CENPO: variants seen among roughly 807,000 people sequenced by gnomAD.
CENPO encodes centromere protein O, also known as centromeric protein O.
Under a neutral mutation model 36.1 loss-of-function variants are expected in CENPO, and 30 were observed. The observed-to-expected ratio is 0.83, with a 90% CI of 0.62 to 1.13. CENPO has a LOEUF of 1.13. Among genes scored for constraint, CENPO ranks in the 50% most tolerant of loss-of-function variants. The pLI is 0.00. For synonymous variants in CENPO, 171 were observed against 142.3 expected, an observed-to-expected ratio of 1.20 and a Z score of -1.44; for missense variants, 349 against 357.8, an observed-to-expected ratio of 0.98 and a Z score of 0.20.
chr2:24,814,626 A>T, intron 4 of CENPO, 133 bp downstream of exon 4: 1 of 621,840 alleles, frequency 1.6e-6, no homozygotes, highest in Non-Finnish European at 2.9e-6. Context: ...TCACTCACAC[A>T]CACACACACA....
chr2:24,795,532 G>T (rs943666453), intron 2 of CENPO, among the ~76,000 whole-genome samples: 1 of 152,120 alleles, frequency 6.6e-6, no homozygotes, highest in African/African-American at 2.4e-5. Context: ...GAATCAGGTC[G>T]GTAAAGAAGC....
intron 3 of CENPO, among the ~76,000 whole-genome samples, chr2:24,809,513 T>C (rs1666579307): frequency 1.3e-5 from 2 of 152,006 alleles, no homozygotes; most frequent in African/African-American, 4.8e-5. Context: ...CACAAGTTTT[T>C]CTTTTTCTTT....
chr2:24,821,615 C>T lies in CENPO; in HGVS notation c.*2297C>T. 1 of 1,614,154 alleles carries T rather than the reference C, an allele frequency of 6.2e-7. No homozygotes were observed. Among genetic ancestry groups the T allele is most frequent in the Non-Finnish European group, 8.5e-7 (1 of 1,180,018 alleles). On this transcript the variant is annotated 3_prime_UTR_variant, in exon 8 of 8. Transcript: ENST00000380834. ...GTCGGCCAGGTCAGCCAGGTGCTGC[C>T]AGCGCTCTCTCTCGGACTTGTCTTC...
chr2:24,804,481 C>T (rs2082880), intron 3 of CENPO, among the ~76,000 whole-genome samples: 126,493 of 152,068 alleles, frequency 0.83, 53,733 homozygotes, highest in East Asian at 0.99. Context: ...TTCCTTTCCA[C>T]GTTTAGTGCT....
At chr2:24,814,695 A>G (rs1018470092) in intron 4 of CENPO, 6 of 556,470 alleles carry the variant, frequency 1.1e-5, no homozygotes, top group Non-Finnish European at 3.2e-6. Context: ...TACAAGATTG[A>G]CTGGCCCCTT....
chr2:24,812,690 A>G (rs1354343390), intron 3 of CENPO, among the ~76,000 whole-genome samples: 1 of 152,076 alleles, frequency 6.6e-6, no homozygotes, highest in African/African-American at 2.4e-5. Context: ...TTAAAATTCT[A>G]ATTTGAGTTA....
chr2:24,820,712 C>T lies in CENPO; in HGVS notation c.*1394C>T, dbSNP rs1344083800. On this transcript the variant is annotated 3_prime_UTR_variant, in exon 8 of 8. Transcript: ENST00000380834. ...GAGTCTGAGCACGTGCCAGCTGTGC[C>T]ACTGGACATACCTGAATGTTGCCCA... 6.2e-7 allele frequency: 1 copy of T among 1,613,910 alleles called. No individual in the cohort carries two copies. The highest frequency in any genetic ancestry group is 8.5e-7 in the Non-Finnish European group (1 of 1,179,870).
rs1243183973 is a variant in CENPO at position 24,819,950 on chromosome 2, C to T, written c.*632C>T. 1.9e-6 allele frequency: 3 copies of T among 1,613,878 alleles called. No homozygotes were observed. Among genetic ancestry groups the T allele is most frequent in the East Asian group, 2.2e-5 (1 of 44,848 alleles). On this transcript the variant is annotated 3_prime_UTR_variant, in exon 8 of 8. Coordinates refer to ENST00000380834, the MANE Select transcript of CENPO (RefSeq NM_001322101.2). ...AGGCCATTCAGGAGTTGTCCACCAC[C>T]TGGTGGGGCAGTGTGACAGAGGGGC...
chr2:24,806,128 C>T (rs993074839), intron 3 of CENPO, among the ~76,000 whole-genome samples: 10 of 152,204 alleles, frequency 6.6e-5, no homozygotes, highest in South Asian at 2.1e-4. Context: ...GAGCCAGGCG[C>T]GGGATATAAT....
At position 24,821,096 on chromosome 2, in the gene CENPO, AAC is replaced by A. The variant is rs1216358135; in HGVS notation, c.*1782_*1783del. The stretch of plus-strand genomic sequence containing the variant: ...CTCGGCATGGTAGTGGCCAGCTTCT[AAC>A]ACAGCTGGTATTTCAAGTCTCCTGG... On this transcript the variant is annotated 3_prime_UTR_variant, in exon 8 of 8. Transcript: ENST00000380834. The A allele has an allele frequency of 7.8e-6, 4 of 515,416 alleles. No individual in the cohort carries two copies. The highest frequency in any genetic ancestry group is 3.6e-5 in the East Asian group (1 of 28,142). 31.9% of individuals were successfully genotyped at this position (515,416 alleles called of 1,614,324 possible).
Position 24,816,632 on chromosome 2 carries a change from C to T in CENPO, c.595-14C>T, listed in dbSNP as rs1267570284. 6.3e-7 allele frequency: 1 copy of T among 1,580,334 alleles called. No homozygotes were observed. The highest frequency in any genetic ancestry group is 8.6e-7 in the Non-Finnish European group (1 of 1,164,736). On this transcript the variant is annotated splice_polypyrimidine_tract_variant and intron_variant, in intron 5 of 7. Coordinates refer to ENST00000380834, the MANE Select transcript of CENPO (RefSeq NM_001322101.2). ...AGTCATCCTCTACTTCGTTTTGTTC[C>T]TCACCCCTCTTAGAGTGACTTTGCA...
Position 24,799,983 on chromosome 2 carries a change from A to C in CENPO, c.216+139A>C, listed in dbSNP as rs907976665. 1.4e-5 allele frequency: 14 copies of C among 994,196 alleles called. No individual in the cohort carries two copies. In the African/African-American group the frequency reaches 2.1e-4, roughly 15 times the overall value. The allele number at this position is 994,196 out of a possible 1,614,324, so 61.6% of individuals were successfully genotyped here. A position where few individuals can be genotyped will look rare whatever the true frequency, so the allele number is the denominator to read the frequency against. On this transcript the variant is annotated intron_variant, in intron 3 of 7. Coordinates refer to ENST00000380834, the MANE Select transcript of CENPO (RefSeq NM_001322101.2). Reference sequence around the variant, plus strand: ...TTGATTGCAGTCCTTGATCCCTCAAATGATCAAACCTGTAGAGTTTGGCCA... The same window carrying C: ...TTGATTGCAGTCCTTGATCCCTCAACTGATCAAACCTGTAGAGTTTGGCCA...
intron 5 of CENPO, 108 bp from the exon 6 acceptor site, chr2:24,816,538 A>G: frequency 1.4e-6 from 1 of 730,414 alleles, no homozygotes; most frequent in Non-Finnish European, 2.2e-6. Context: ...ATTTCTCTGA[A>G]ATGTAATCGA....
In CENPO at chr2:24,821,412, C is replaced by T. The variant is rs973514049; in HGVS notation, c.*2094C>T. 25 of 1,499,106 alleles carry T rather than the reference C, an allele frequency of 1.7e-5. 1 individual carries two copies. In the South Asian group the frequency reaches 1.8e-4, roughly 11 times the overall value. The allele number at this position is 1,499,106 out of a possible 1,614,324, so 92.9% of individuals were successfully genotyped here. A position where few individuals can be genotyped will look rare whatever the true frequency, so the allele number is the denominator to read the frequency against. On this transcript the variant is annotated 3_prime_UTR_variant, in exon 8 of 8. Transcript: ENST00000380834. ...CTGTGAGTGCGTGAACCTCCCCACC[C>T]GAATTGCCTCAGTTGTCCTGAGCCT... is the stretch of plus-strand genomic sequence containing the variant.
At chr2:24,804,798 T>C (rs565129619) in intron 3 of CENPO, among the ~76,000 whole-genome samples, 318 of 152,298 alleles carry the variant, frequency 2.1e-3, no homozygotes, top group South Asian at 0.014. Flanking sequence ...CTGACAATTA[T>C]GTGTCTTGGG....
intron 3 of CENPO, among the ~76,000 whole-genome samples, chr2:24,806,962 A>G (rs981138381): frequency 1.4e-4 from 21 of 152,292 alleles, no homozygotes; most frequent in African/African-American, 4.8e-4. Context: ...GGATATCAGG[A>G]TTATGACAGT....
In CENPO at chr2:24,819,696, T is replaced by C. The variant is rs967053857; in HGVS notation, c.*378T>C. 7.8e-5 allele frequency: 36 copies of C among 463,200 alleles called. No homozygotes were observed. The highest frequency in any genetic ancestry group is 1.1e-4 in the Non-Finnish European group (30 of 262,424). The allele number at this position is 463,200 out of a possible 1,614,324, so 28.7% of individuals were successfully genotyped here. On this transcript the variant is annotated 3_prime_UTR_variant, in exon 8 of 8. Coordinates refer to ENST00000380834, the MANE Select transcript of CENPO (RefSeq NM_001322101.2). ...ACGGCAGGGATTGGAACGAGGGCTC[T>C]GGAAGGACTGTTCAGCCCTATGCCT... is the stretch of plus-strand genomic sequence containing the variant.
At chr2:24,815,035 C>T (rs1666875369) in intron 4 of CENPO, among the ~76,000 whole-genome samples, 1 of 151,848 alleles carries the variant, frequency 6.6e-6, no homozygotes, top group Admixed American at 6.6e-5. Context: ...TCCAGGAGTT[C>T]GAGACCAGCC....
chr2:24,802,706 G>T (rs1666212409), intron 3 of CENPO, among the ~76,000 whole-genome samples: 1 of 152,192 alleles, frequency 6.6e-6, no homozygotes, highest in African/African-American at 2.4e-5. Flanking sequence ...TAAGCTTTTT[G>T]ATGTGCTGCT....
Sources: gnomAD v4.1 joint callset for allele counts (sites outside exome capture counted in the v4.1 genomes callset) on GRCh38, gnomAD v4.1.1 for gene constraint, MANE v1.5 for transcripts, NCBI Gene and HGNC (gene_info 2026-07-23, HGNC 2026-07-21) for gene names.